PLCB1: variants seen among roughly 807,000 people sequenced by gnomAD.
PLCB1 encodes the protein phospholipase C beta 1.
Under a neutral mutation model 161.8 loss-of-function variants are expected in PLCB1, and 46 were observed. The ratio of observed to expected loss-of-function variants is 0.28; its 90% confidence interval spans 0.22 to 0.36. The LOEUF (loss-of-function observed/expected upper bound fraction) is 0.36. Ranked by LOEUF, PLCB1 falls within the 10% of genes least tolerant of loss-of-function variation. The pLI is 1.00. For missense variants in PLCB1, 1,016 were observed against 1,472.5 expected (o/e 0.69, Z 5.07); for synonymous variants, 517 against 503.7 (o/e 1.03, Z -0.35).
chr20:8,758,737 G>T (rs1446872237), intron 24 of PLCB1, among the ~76,000 whole-genome samples: 2 of 152,158 alleles, frequency 1.3e-5, no homozygotes, highest in African/African-American at 4.8e-5. Context: ...TGAGTAAATA[G>T]TCATGTGTTC....
Position 8,658,631 on chromosome 20 carries a change from T to C in PLCB1, c.789T>C (p.Tyr263=). The C allele has an allele frequency of 6.2e-7, 1 of 1,613,054 alleles. No homozygotes were observed. The highest frequency in any genetic ancestry group is 8.5e-7 in the Non-Finnish European group (1 of 1,179,328). Residue 263 remains tyrosine, a synonymous_variant, in exon 9 of 32, where the codon TAT becomes TAC. Transcript: ENST00000338037. ...QRDPRLNEIL[Y]PPLKQEQVQV... is the part of the protein sequence containing the mutation. ...ATCCTCGGCTTAATGAAATACTTTATCCACCTCTAAAACAAGAGCAAGTCC... is the reference window on the plus strand; with the variant it reads ...ATCCTCGGCTTAATGAAATACTTTACCCACCTCTAAAACAAGAGCAAGTCC...
chr20:8,662,413 AAT>A (rs1989694734), intron 9 of PLCB1, among the ~76,000 whole-genome samples: 2 of 127,302 alleles, frequency 1.6e-5, no homozygotes, highest in Admixed American at 1.8e-4. Flanking sequence ...AATTATGTAT[AAT>A]ATATAATTAT....
chr20:8,646,547 C>T (rs1261341166), intron 5 of PLCB1, among the ~76,000 whole-genome samples: 1 of 152,152 alleles, frequency 6.6e-6, no homozygotes, highest in Non-Finnish European at 1.5e-5. Context: ...AATTATTAAT[C>T]TGAGGAACAG....
At chr20:8,234,910 A>G (rs893878075) in intron 2 of PLCB1, among the ~76,000 whole-genome samples, 1 of 152,050 alleles carries the variant, frequency 6.6e-6, no homozygotes, top group Non-Finnish European at 1.5e-5. Context: ...TGTTTTTTAT[A>G]TTATGTTTAG....
intron 2 of PLCB1, among the ~76,000 whole-genome samples, chr20:8,335,204 A>C (rs1014473004): frequency 7.9e-5 from 12 of 152,210 alleles, no homozygotes; most frequent in Admixed American, 5.9e-4. Context: ...TAGTATACAT[A>C]GTAAAAATAT....
intron 14 of PLCB1, among the ~76,000 whole-genome samples, chr20:8,718,782 T>C (rs958237990): frequency 5.9e-5 from 9 of 152,172 alleles, no homozygotes; most frequent in African/African-American, 2.2e-4. Flanking sequence ...AGCCAAATAG[T>C]CTTCAGAGTG....
intron 3 of PLCB1, among the ~76,000 whole-genome samples, chr20:8,392,531 C>G (rs1336317629): frequency 2.6e-5 from 4 of 152,066 alleles, no homozygotes; most frequent in Non-Finnish European, 5.9e-5. Context: ...AGGAATCTCA[C>G]CTTCCTCATA....
Position 8,883,889 on chromosome 20 carries a change from A to G in PLCB1, c.*2040A>G, listed in dbSNP as rs191314641. 9 of 152,696 alleles carry G rather than the reference A, an allele frequency of 5.9e-5. No individual in the cohort carries two copies. The highest frequency in any genetic ancestry group is 4.6e-4 in the Admixed American group (7 of 15,280). The allele number at this position is 152,696 out of a possible 1,614,324, so 9.5% of individuals were successfully genotyped here. On this transcript the variant is annotated 3_prime_UTR_variant, in exon 32 of 32. Coordinates refer to ENST00000338037, the MANE Select transcript of PLCB1 (RefSeq NM_015192.4). ...AGGCGTTAATCATAAAGAAGCAAGA[A>G]TGGTCAAAATCGAATGCTGCATTTT...
intron 2 of PLCB1, among the ~76,000 whole-genome samples, chr20:8,168,705 T>G (rs80197223): frequency 0.011 from 1,677 of 152,224 alleles, 20 homozygotes; most frequent in Non-Finnish European, 0.016. Context: ...CTATTTTTTT[T>G]CTTCCTAAAT....
chr20:8,299,600 C>T (rs1983803190), intron 2 of PLCB1, among the ~76,000 whole-genome samples: 1 of 152,210 alleles, frequency 6.6e-6, no homozygotes, highest in African/African-American at 2.4e-5. Context: ...TTACATGTTT[C>T]TCATGCACCC....
At chr20:8,441,970 G>A (rs958396073) in intron 3 of PLCB1, among the ~76,000 whole-genome samples, 7 of 152,114 alleles carry the variant, frequency 4.6e-5, no homozygotes, top group Non-Finnish European at 8.8e-5. Context: ...CTTTGTTCTA[G>A]TTCTGACTTC....
intron 3 of PLCB1, among the ~76,000 whole-genome samples, chr20:8,403,542 G>C (rs1978654105): frequency 1.3e-5 from 2 of 152,208 alleles, no homozygotes; most frequent in Admixed American, 1.3e-4. Context: ...AATGCAGGAA[G>C]ATGGGCAAGG....
intron 31 of PLCB1, among the ~76,000 whole-genome samples, chr20:8,819,826 TTAAAAA>T (rs1985251163): frequency 6.6e-6 from 1 of 152,136 alleles, no homozygotes; most frequent in African/African-American, 2.4e-5. Context: ...ATCATTAGAC[TTAAAAA>T]TAAAAAGTAG....
chr20:8,143,351 T>C (rs1471694198), intron 1 of PLCB1, among the ~76,000 whole-genome samples: 1 of 152,212 alleles, frequency 6.6e-6, no homozygotes, highest in Non-Finnish European at 1.5e-5. Context: ...CTGATGTTTT[T>C]CAGAATCTTC....
chr20:8,862,030 T>G (rs186854199), intron 31 of PLCB1, among the ~76,000 whole-genome samples: 1 of 152,200 alleles, frequency 6.6e-6, no homozygotes, highest in Non-Finnish European at 1.5e-5. Context: ...AAAAATAGAC[T>G]GGCATTATGT....
chr20:8,733,819 TAATAA>T, intron 19 of PLCB1, among the ~76,000 whole-genome samples: 1 of 140,402 alleles, frequency 7.1e-6, no homozygotes, highest in Non-Finnish European at 1.6e-5. Flanking sequence ...ATAATAATAA[TAATAA>T]TAAAAGTTTT....
chr20:8,378,817 T>C (rs749559324), intron 3 of PLCB1, among the ~76,000 whole-genome samples: 1 of 152,244 alleles, frequency 6.6e-6, no homozygotes, highest in Non-Finnish European at 1.5e-5. Context: ...TAAGTTTATA[T>C]AATATTCTAA....
chr20:8,606,352 A>G (rs1028714102), intron 3 of PLCB1, among the ~76,000 whole-genome samples: 1 of 152,174 alleles, frequency 6.6e-6, no homozygotes, highest in Non-Finnish European at 1.5e-5. Context: ...CCAGGAGCAT[A>G]AACAGAGCAA....
At chr20:8,455,893 C>T (rs1981294441) in intron 3 of PLCB1, among the ~76,000 whole-genome samples, 1 of 152,120 alleles carries the variant, frequency 6.6e-6, no homozygotes, top group South Asian at 2.1e-4. Flanking sequence ...AGTATTAATT[C>T]CCATCTGTGT....
Sources: allele counts gnomAD v4.1 joint callset (sites outside exome capture counted in the v4.1 genomes callset), GRCh38; gene constraint gnomAD v4.1.1; transcripts MANE v1.5; gene names NCBI Gene and HGNC (gene_info 2026-07-23, HGNC 2026-07-21).